Variants in CNTLN observed in about 807,000 individuals in gnomAD.
The protein encoded by CNTLN is centlein, also known as centlein, centrosomal protein.
In CNTLN, 212 loss-of-function variants were observed where a neutral mutation model predicts 180.0. The observed-to-expected ratio is 1.18, with a 90% CI of 1.05 to 1.32. The LOEUF (loss-of-function observed/expected upper bound fraction) is 1.32. Ranked by LOEUF, CNTLN falls within the 40% of genes most tolerant of loss-of-function variation. CNTLN has a pLI of 0.00. For missense variants in CNTLN, 2,095 were observed against 1,610.9 expected, an observed-to-expected ratio of 1.30 and a Z score of -5.14; for synonymous variants, 722 against 563.1, an observed-to-expected ratio of 1.28 and a Z score of -3.99.
intron 2 of CNTLN, among the ~76,000 whole-genome samples, chr9:17,145,552 A>G (rs1040164351): frequency 6.6e-6 from 1 of 152,148 alleles, no homozygotes; most frequent in South Asian, 2.1e-4. Context: ...CCTGGACAGC[A>G]TTTCCCCCCT....
At chr9:17,266,718 GC>G (rs919216959) in intron 5 of CNTLN, among the ~76,000 whole-genome samples, 40 of 152,118 alleles carry the variant, frequency 2.6e-4, no homozygotes, top group African/African-American at 9.2e-4. Context: ...GAATCTGGGT[GC>G]TCCTGTATTG....
At chr9:17,513,041 A>G in the CNTLN span, among the ~76,000 whole-genome samples, 153 of 152,170 alleles carry the variant, frequency 1.0e-3, no homozygotes, top group Middle Eastern at 6.8e-3. Flanking sequence ...GAATGGTCTC[A>G]AACTCCTGAC....
At chr9:17,516,678 C>G in the CNTLN span, among the ~76,000 whole-genome samples, 3 of 152,158 alleles carry the variant, frequency 2.0e-5, no homozygotes, top group Non-Finnish European at 4.4e-5. Context: ...GGCCTACTTT[C>G]ATGGAGGGTA....
intron 8 of CNTLN, among the ~76,000 whole-genome samples, chr9:17,326,302 GA>G (rs547103097): frequency 7.2e-5 from 11 of 151,862 alleles, no homozygotes; most frequent in Middle Eastern, 6.8e-3. Context: ...TAATATTAGA[GA>G]AAAAAATTTA....
chr9:17,177,527 C>T (rs567161127), intron 2 of CNTLN, among the ~76,000 whole-genome samples: 1 of 152,280 alleles, frequency 6.6e-6, no homozygotes, highest in South Asian at 2.1e-4. Flanking sequence ...TGTCACAGTT[C>T]TTAAAGGCGG....
chr9:17,465,691 T>G (rs898225121), intron 21 of CNTLN, among the ~76,000 whole-genome samples: 5 of 151,200 alleles, frequency 3.3e-5, no homozygotes, highest in African/African-American at 1.2e-4. Context: ...GAAGTTTAGA[T>G]TAGTAATTAA....
intron 2 of CNTLN, among the ~76,000 whole-genome samples, chr9:17,199,547 G>A (rs1364603647): frequency 2.0e-5 from 3 of 152,178 alleles, no homozygotes; most frequent in Non-Finnish European, 4.4e-5. Context: ...TAACTGGCAT[G>A]AGATGGTATC....
chr9:17,515,890 C>T, the CNTLN span, among the ~76,000 whole-genome samples: 2 of 152,276 alleles, frequency 1.3e-5, no homozygotes, highest in Admixed American at 1.3e-4. Flanking sequence ...AAGTCACTTC[C>T]CATCTTACTC....
chr9:17,188,536 G>A lies in CNTLN; in HGVS notation c.450-37667G>A, dbSNP rs536819480. Among the ~76,000 whole-genome samples the A allele has an allele frequency of 3.9e-5, 6 of 152,240 alleles. No homozygotes were observed. In the South Asian group the frequency reaches 6.2e-4, roughly 16 times the overall value. The stretch of plus-strand genomic sequence containing the variant: ...ATATTGTTTAGGCAATATTGTTTGG[G>A]AAAGACTATGATCCTCATTTATGAA... On this transcript the variant is annotated intron_variant, in intron 2 of 25. Transcript: ENST00000380647.
rs1466948847 is a variant in CNTLN, at chr9:17,502,775, A to G, written c.*123A>G. On this transcript the variant is annotated 3_prime_UTR_variant, in exon 26 of 26. Coordinates refer to ENST00000380647, the MANE Select transcript of CNTLN (RefSeq NM_017738.4). ...ATCAATAGTCAGGTTCAATACCAAAATAAGAAGTCTCTGAAAATAATTAAT... is the reference window on the plus strand; with the variant it reads ...ATCAATAGTCAGGTTCAATACCAAAGTAAGAAGTCTCTGAAAATAATTAAT... 2 of 421,828 alleles carry G rather than the reference A, an allele frequency of 4.7e-6. No individual in the cohort carries two copies. Among genetic ancestry groups the G allele is most frequent in the South Asian group, 5.3e-5 (1 of 18,716 alleles). The allele number at this position is 421,828 out of a possible 1,614,324, so 26.1% of individuals were successfully genotyped here. A position where few individuals can be genotyped will look rare whatever the true frequency, so the allele number is the denominator to read the frequency against.
intron 7 of CNTLN, among the ~76,000 whole-genome samples, chr9:17,306,532 C>T (rs1334013775): frequency 1.3e-5 from 2 of 152,128 alleles, no homozygotes; most frequent in African/African-American, 4.8e-5. Flanking sequence ...ATGAATCGGC[C>T]TAAAGCCTTA....
intron 2 of CNTLN, among the ~76,000 whole-genome samples, chr9:17,162,534 C>A (rs976765124): frequency 6.6e-6 from 1 of 152,196 alleles, no homozygotes; most frequent in Non-Finnish European, 1.5e-5. Context: ...ATACACTAAG[C>A]TTTGTTGGTA....
chr9:17,348,691 G>C (rs10810770), intron 12 of CNTLN, among the ~76,000 whole-genome samples: 90,114 of 151,186 alleles, frequency 0.6, 27,092 homozygotes, highest in East Asian at 0.73. Flanking sequence ...TCACCACGCG[G>C]GGCAAATTTT....
intron 2 of CNTLN, among the ~76,000 whole-genome samples, chr9:17,146,271 CCTT>C (rs1004464213): frequency 2.2e-4 from 34 of 151,834 alleles, no homozygotes; most frequent in Admixed American, 1.2e-3. Flanking sequence ...ATGGATTTGA[CCTT>C]CTTCTCTCTT....
chr9:17,192,232 C>T (rs1020740709), intron 2 of CNTLN, among the ~76,000 whole-genome samples: 2 of 150,828 alleles, frequency 1.3e-5, no homozygotes, highest in Admixed American at 1.3e-4. Flanking sequence ...CTGAGGTAGG[C>T]CCTATTCTTT....
At chr9:17,213,140 G>C (rs1180306121) in intron 2 of CNTLN, among the ~76,000 whole-genome samples, 1 of 152,080 alleles carries the variant, frequency 6.6e-6, no homozygotes, top group Non-Finnish European at 1.5e-5. Context: ...TCTTTTAATT[G>C]TGATGCTAGG....
At chr9:17,263,983 T>A (rs1332931243) in intron 5 of CNTLN, among the ~76,000 whole-genome samples, 1 of 144,848 alleles carries the variant, frequency 6.9e-6, no homozygotes, top group Non-Finnish European at 1.5e-5. Flanking sequence ...TTTTCTCCCA[T>A]TTTGTAGGTT....
At chr9:17,261,911 G>A (rs975705546) in intron 5 of CNTLN, among the ~76,000 whole-genome samples, 11 of 151,474 alleles carry the variant, frequency 7.3e-5, no homozygotes, top group Admixed American at 2.0e-4. Context: ...AAAAGTAGGC[G>A]AAGGACATGA....
chr9:17,313,945 G>C (rs1819376638), intron 8 of CNTLN, among the ~76,000 whole-genome samples: 2 of 152,094 alleles, frequency 1.3e-5, no homozygotes, highest in South Asian at 4.1e-4. Context: ...CACATGCCCG[G>C]CTGGTCTCAA....
Sources: allele counts gnomAD v4.1 joint callset (sites outside exome capture counted in the v4.1 genomes callset), GRCh38; gene constraint gnomAD v4.1.1; transcripts MANE v1.5; gene names NCBI Gene and HGNC (gene_info 2026-07-23, HGNC 2026-07-21).